The following LRRTM4 variants were observed in gnomAD, a reference collection of about 807,000 sequenced individuals.
The protein encoded by LRRTM4 is leucine rich repeat transmembrane neuronal 4, also known as leucine-rich repeat transmembrane neuronal protein 4.
Under a neutral mutation model 47.6 loss-of-function variants are expected in LRRTM4, and 25 were observed. The observed-to-expected ratio is 0.53, with a 90% CI of 0.38 to 0.73. The LOEUF is 0.73. LRRTM4 is among the 30% of genes least tolerant of loss of function. The probability of loss-of-function intolerance (pLI) is 0.00; values close to 1 mark genes in which losing one functional copy is unlikely to be tolerated. For missense variants in LRRTM4, 638 were observed against 713.4 expected (o/e 0.89, Z 1.20); for synonymous variants, 311 against 269.5 (o/e 1.15, Z -1.51).
At chr2:77,371,427 C>A (rs1035003157) in intron 3 of LRRTM4, among the ~76,000 whole-genome samples, 1 of 151,650 alleles carries the variant, frequency 6.6e-6, no homozygotes, top group Non-Finnish European at 1.5e-5. Flanking sequence ...AGAACTGTCC[C>A]CTTTCCTCAA....
intron 3 of LRRTM4, among the ~76,000 whole-genome samples, chr2:76,890,381 T>C (rs1488341193): frequency 1.3e-5 from 2 of 152,028 alleles, no homozygotes; most frequent in Admixed American, 1.3e-4. Context: ...AATAATCTAC[T>C]CTACAAGTTC....
At chr2:76,772,845 T>G (rs2104118205) in intron 3 of LRRTM4, 1 of 152,332 alleles carries the variant, frequency 6.6e-6, no homozygotes, top group South Asian at 2.1e-4. Context: ...GTGACTAATT[T>G]ATAAATTAAA....
At chr2:76,890,807 T>C (rs1470131892) in intron 3 of LRRTM4, among the ~76,000 whole-genome samples, 1 of 151,908 alleles carries the variant, frequency 6.6e-6, no homozygotes, top group African/African-American at 2.4e-5. Context: ...AACTAAAATA[T>C]AACTTCAAAC....
intron 3 of LRRTM4, among the ~76,000 whole-genome samples, chr2:77,069,621 T>G (rs1236811097): frequency 6.6e-6 from 1 of 152,150 alleles, no homozygotes; most frequent in African/African-American, 2.4e-5. Context: ...GTTGGTAGCT[T>G]GTGTATTTCA....
At chr2:77,251,755 A>G (rs1264816245) in intron 3 of LRRTM4, among the ~76,000 whole-genome samples, 2 of 151,984 alleles carry the variant, frequency 1.3e-5, no homozygotes, top group African/African-American at 4.8e-5. Flanking sequence ...CACCCACTAT[A>G]CTCTGTGACT....
At chr2:77,086,222 CTG>C (rs1680707562) in intron 3 of LRRTM4, among the ~76,000 whole-genome samples, 1 of 152,028 alleles carries the variant, frequency 6.6e-6, no homozygotes, top group Non-Finnish European at 1.5e-5. Flanking sequence ...GAAGTAGAAA[CTG>C]TTATGTTTAT....
intron 3 of LRRTM4, among the ~76,000 whole-genome samples, chr2:77,244,674 GC>G: frequency 6.6e-6 from 1 of 151,992 alleles, no homozygotes; most frequent in South Asian, 2.1e-4. Flanking sequence ...ATAAAATGTG[GC>G]AAAAGTTATG....
intron 3 of LRRTM4, among the ~76,000 whole-genome samples, chr2:77,513,283 T>C (rs1225853414): frequency 2.0e-5 from 3 of 152,146 alleles, no homozygotes; most frequent in Non-Finnish European, 4.4e-5. Context: ...CAAATGAATG[T>C]AAGTAGCTCA....
chr2:76,864,987 C>T (rs1214505858), intron 3 of LRRTM4, among the ~76,000 whole-genome samples: 1 of 151,734 alleles, frequency 6.6e-6, no homozygotes, highest in African/African-American at 2.4e-5. Context: ...TCTTCTGCCT[C>T]AGCCTCCCAA....
intron 3 of LRRTM4, among the ~76,000 whole-genome samples, chr2:77,040,380 T>C (rs546341262): frequency 2.6e-5 from 4 of 151,448 alleles, no homozygotes; most frequent in South Asian, 4.1e-4. Flanking sequence ...TTTAATCTAC[T>C]GAAACAAAAT....
At chr2:77,225,571 A>G (rs1674782309) in intron 3 of LRRTM4, among the ~76,000 whole-genome samples, 2 of 152,126 alleles carry the variant, frequency 1.3e-5, no homozygotes, top group South Asian at 4.1e-4. Flanking sequence ...GGAACTGTAC[A>G]TGGAATAGTG....
intron 3 of LRRTM4, among the ~76,000 whole-genome samples, chr2:77,220,539 C>A (rs879320271): frequency 1.3e-5 from 2 of 152,060 alleles, no homozygotes; most frequent in Admixed American, 1.3e-4. Flanking sequence ...AACCACAGCA[C>A]CAGAACTACA....
chr2:76,955,412 G>A (rs887282117), intron 3 of LRRTM4, among the ~76,000 whole-genome samples: 7 of 151,736 alleles, frequency 4.6e-5, no homozygotes, highest in African/African-American at 1.7e-4. Flanking sequence ...TTGTTACCAT[G>A]ATAAGGTGTT....
chr2:76,751,754 G>A (rs1672856992), intron 3 of LRRTM4, among the ~76,000 whole-genome samples: 1 of 152,068 alleles, frequency 6.6e-6, no homozygotes, highest in Admixed American at 6.6e-5. Flanking sequence ...TGGGATTGGT[G>A]CCATGGGTCA....
At chr2:76,840,283 G>T (rs566376371) in intron 3 of LRRTM4, among the ~76,000 whole-genome samples, 3 of 152,274 alleles carry the variant, frequency 2.0e-5, no homozygotes, top group African/African-American at 7.2e-5. Flanking sequence ...GGTTCTGAAG[G>T]AAGTTTCAAA....
At chr2:76,831,853 TATA>T (rs1327777981) in intron 3 of LRRTM4, among the ~76,000 whole-genome samples, 2 of 152,108 alleles carry the variant, frequency 1.3e-5, no homozygotes, top group Admixed American at 1.3e-4. Flanking sequence ...CAGAAGGAAA[TATA>T]ATCTATATTT....
chr2:77,118,025 C>T lies in LRRTM4; in HGVS notation c.1552-369109G>A, dbSNP rs149497475. Reference sequence around the variant, plus strand: ...ATTTCACAAGTAAATAACTATTTCCCAAGTACACTAAATTTAGAAATTTAT... The same window carrying T: ...ATTTCACAAGTAAATAACTATTTCCTAAGTACACTAAATTTAGAAATTTAT... On this transcript the variant is annotated intron_variant, in intron 3 of 3. Transcript: ENST00000409884. Among the ~76,000 whole-genome samples, 576 of 151,952 alleles carry T rather than the reference C, an allele frequency of 3.8e-3. 2 individuals carry two copies. Among genetic ancestry groups the T allele is most frequent in the African/African-American group, 0.013 (541 of 41,500 alleles).
intron 3 of LRRTM4, among the ~76,000 whole-genome samples, chr2:77,017,692 C>T (rs953291871): frequency 2.6e-5 from 4 of 151,920 alleles, no homozygotes; most frequent in Admixed American, 6.6e-5. Context: ...ACTTACAACC[C>T]GAGGTAGTCA....
intron 3 of LRRTM4, among the ~76,000 whole-genome samples, chr2:76,889,295 G>A (rs1673176374): frequency 6.6e-6 from 1 of 151,830 alleles, no homozygotes; most frequent in East Asian, 1.9e-4. Flanking sequence ...ACTAGAGGCA[G>A]CTTTGATTGA....
Sources: gnomAD v4.1 joint callset for allele counts (sites outside exome capture counted in the v4.1 genomes callset) on GRCh38, gnomAD v4.1.1 for gene constraint, MANE v1.5 for transcripts, NCBI Gene and HGNC (gene_info 2026-07-23, HGNC 2026-07-21) for gene names.